MACROD2: variants seen among roughly 807,000 people sequenced by gnomAD.
The protein encoded by MACROD2 is ADP-ribose glycohydrolase MACROD2.
Under a neutral mutation model 70.4 loss-of-function variants are expected in MACROD2, and 36 were observed. The observed-to-expected ratio is 0.51, with a 90% CI of 0.39 to 0.68. The LOEUF (loss-of-function observed/expected upper bound fraction) is 0.68, where lower values mean the gene tolerates loss of function less well. Ranked by LOEUF, MACROD2 falls within the 30% of genes least tolerant of loss-of-function variation. MACROD2 has a pLI of 0.00. For missense variants in MACROD2, 496 were observed against 538.4 expected, an observed-to-expected ratio of 0.92 and a Z score of 0.78; for synonymous variants, 172 against 178.8, an observed-to-expected ratio of 0.96 and a Z score of 0.30.
intron 8 of MACROD2, among the ~76,000 whole-genome samples, chr20:15,822,958 G>A (rs1341510988): frequency 1.3e-5 from 2 of 152,190 alleles, no homozygotes; most frequent in Admixed American, 6.5e-5. Context: ...TATAGGCCAT[G>A]AACCAGCCGG....
At chr20:14,286,905 A>T (rs2082349212) in intron 3 of MACROD2, among the ~76,000 whole-genome samples, 1 of 152,196 alleles carries the variant, frequency 6.6e-6, no homozygotes, top group African/African-American at 2.4e-5. Context: ...TCAGATTTCA[A>T]AGCAATTAAT....
rs374403186 is a variant in MACROD2, at chr20:15,696,678, G to GTTTT, written c.646-166051_646-166048dup. Among the ~76,000 whole-genome samples, 490 of 88,592 alleles carry GTTTT rather than the reference G, an allele frequency of 5.5e-3. 4 individuals are homozygous for GTTTT. Among genetic ancestry groups the GTTTT allele is most frequent in the African/African-American group, 0.014 (334 of 23,622 alleles). The allele number at this position is 88,592 out of a possible 152,430, so 58.1% of individuals were successfully genotyped here. A position where few individuals can be genotyped will look rare whatever the true frequency, so the allele number is the denominator to read the frequency against. ...TGCTGTGAATCTGTCTAGTCCTGGA[G>GTTTT]TTTTTTTTTTTTTTTTTTTGGTAAT... is the stretch of plus-strand genomic sequence containing the variant. On this transcript the variant is annotated intron_variant, in intron 8 of 17. Coordinates refer to ENST00000684519, the MANE Select transcript of MACROD2 (RefSeq NM_001351661.2).
intron 8 of MACROD2, among the ~76,000 whole-genome samples, chr20:15,564,584 G>A (rs1031452146): frequency 3.9e-5 from 6 of 152,130 alleles, no homozygotes; most frequent in Admixed American, 2.6e-4. Context: ...GTGGGAAATA[G>A]AACAAGACTA....
At chr20:14,257,936 C>G (rs1217377513) in intron 3 of MACROD2, among the ~76,000 whole-genome samples, 1 of 152,138 alleles carries the variant, frequency 6.6e-6, no homozygotes, top group East Asian at 1.9e-4. Flanking sequence ...ATTCTTATGC[C>G]TTTGCATCCT....
chr20:15,869,210 C>CATTATAT (rs1555788799), intron 9 of MACROD2, among the ~76,000 whole-genome samples: 2 of 51,906 alleles, frequency 3.9e-5, no homozygotes, highest in African/African-American at 1.2e-4. Context: ...ATGTGATTAA[C>CATTATAT]ATATATATAT....
At chr20:15,174,199 G>C (rs140506036) in intron 5 of MACROD2, among the ~76,000 whole-genome samples, 2 of 152,012 alleles carry the variant, frequency 1.3e-5, no homozygotes, top group East Asian at 1.9e-4. Flanking sequence ...GCAATGTCTC[G>C]TCTTAATATA....
intron 15 of MACROD2, among the ~76,000 whole-genome samples, chr20:16,017,129 T>G (rs1490221725): frequency 6.6e-6 from 1 of 152,230 alleles, no homozygotes. Flanking sequence ...CACTGCCCTC[T>G]TTCCTCCAAG....
At chr20:15,150,406 G>A (rs1378015067) in intron 5 of MACROD2, among the ~76,000 whole-genome samples, 1 of 152,068 alleles carries the variant, frequency 6.6e-6, no homozygotes, top group Non-Finnish European at 1.5e-5. Flanking sequence ...AAAGCAATTT[G>A]GTTGATAAGG....
Position 15,533,007 on chromosome 20 carries a change from T to A in MACROD2, c.645+33160T>A, listed in dbSNP as rs151069111. On this transcript the variant is annotated intron_variant, in intron 8 of 17. Transcript: ENST00000684519. ...TGTACTTGTTTAATTAATCTGTGTTTGCTTGTTTTTTAAACTGCACCATTT... is the reference window on the plus strand; with the variant it reads ...TGTACTTGTTTAATTAATCTGTGTTAGCTTGTTTTTTAAACTGCACCATTT... Among the ~76,000 whole-genome samples the A allele has an allele frequency of 6.3e-4, 96 of 152,342 alleles. 1 individual carries two copies. Among genetic ancestry groups the A allele is most frequent in the African/African-American group, 2.0e-3 (84 of 41,580 alleles).
chr20:15,311,053 A>G (rs1749654583), intron 6 of MACROD2, among the ~76,000 whole-genome samples: 1 of 152,208 alleles, frequency 6.6e-6, no homozygotes. Flanking sequence ...AGAATAGGTA[A>G]AGACTTAGTA....
intron 5 of MACROD2, among the ~76,000 whole-genome samples, chr20:14,959,521 C>T (rs2074565306): frequency 6.6e-6 from 1 of 152,020 alleles, no homozygotes; most frequent in African/African-American, 2.4e-5. Flanking sequence ...TCCCTCCCTC[C>T]CCAAATACAA....
At chr20:14,730,549 GA>G (rs1319258194) in intron 5 of MACROD2, among the ~76,000 whole-genome samples, 1 of 152,146 alleles carries the variant, frequency 6.6e-6, no homozygotes, top group Non-Finnish European at 1.5e-5. Flanking sequence ...TGTCTTTAAA[GA>G]AGGAGAGATA....
At chr20:15,644,282 C>G (rs1004177441) in intron 8 of MACROD2, among the ~76,000 whole-genome samples, 1 of 152,152 alleles carries the variant, frequency 6.6e-6, no homozygotes, top group African/African-American at 2.4e-5. Flanking sequence ...AAACCTCCCC[C>G]ACTTACCCAG....
At chr20:14,581,859 A>G (rs1463274026) in intron 4 of MACROD2, among the ~76,000 whole-genome samples, 2 of 152,156 alleles carry the variant, frequency 1.3e-5, no homozygotes, top group African/African-American at 4.8e-5. Context: ...AGTCCAGTGC[A>G]TCCTTATACC....
At chr20:14,989,802 C>T (rs2074884539) in intron 5 of MACROD2, among the ~76,000 whole-genome samples, 1 of 152,060 alleles carries the variant, frequency 6.6e-6, no homozygotes, top group Non-Finnish European at 1.5e-5. Flanking sequence ...TGGTCCACAC[C>T]CAGATTTTTT....
chr20:15,841,763 G>T (rs2064173319), intron 8 of MACROD2, among the ~76,000 whole-genome samples: 1 of 152,084 alleles, frequency 6.6e-6, no homozygotes, highest in Non-Finnish European at 1.5e-5. Context: ...GATGGTGGGA[G>T]GTCTAGGCTG....
At chr20:15,957,883 G>A (rs986502353) in intron 12 of MACROD2, among the ~76,000 whole-genome samples, 2 of 152,194 alleles carry the variant, frequency 1.3e-5, no homozygotes, top group African/African-American at 4.8e-5. Context: ...GTGCCAAGAG[G>A]CAGGGGATGT....
At chr20:14,484,476 C>G (rs2084698847) in intron 3 of MACROD2, among the ~76,000 whole-genome samples, 1 of 152,114 alleles carries the variant, frequency 6.6e-6, no homozygotes. Context: ...TTTAAATATA[C>G]AACTAAATTA....
At chr20:15,270,302 A>G (rs1164713496) in intron 6 of MACROD2, among the ~76,000 whole-genome samples, 2 of 152,184 alleles carry the variant, frequency 1.3e-5, no homozygotes, top group Non-Finnish European at 2.9e-5. Flanking sequence ...AAAAAAGCCA[A>G]CTTTTGATAC....
Sources: allele counts gnomAD v4.1 joint callset (sites outside exome capture counted in the v4.1 genomes callset), GRCh38; gene constraint gnomAD v4.1.1; transcripts MANE v1.5; gene names NCBI Gene and HGNC (gene_info 2026-07-23, HGNC 2026-07-21).